SNTG1: variants seen among roughly 807,000 people sequenced by gnomAD.
SNTG1 encodes gamma-1-syntrophin.
Under a neutral mutation model 74.7 loss-of-function variants are expected in SNTG1, and 39 were observed. The observed-to-expected ratio is 0.52, with a 90% CI of 0.40 to 0.68. SNTG1 has a LOEUF of 0.68. Ranked by LOEUF, SNTG1 falls within the 30% of genes least tolerant of loss-of-function variation. The pLI is 0.00. For synonymous variants in SNTG1, 254 were observed against 217.1 expected, an observed-to-expected ratio of 1.17 and a Z score of -1.49; for missense variants, 685 against 609.5, an observed-to-expected ratio of 1.12 and a Z score of -1.30.
chr8:50,010,947 G>A (rs949893770), intron 1 of SNTG1, among the ~76,000 whole-genome samples: 10 of 151,756 alleles, frequency 6.6e-5, no homozygotes, highest in Non-Finnish European at 1.2e-4. Context: ...TCATTTTAAT[G>A]GTAGTGAAAT....
At chr8:50,573,738 A>G (rs1310778449) in intron 12 of SNTG1, among the ~76,000 whole-genome samples, 2 of 151,934 alleles carry the variant, frequency 1.3e-5, no homozygotes, top group Non-Finnish European at 2.9e-5. Context: ...TTTTAGAAAC[A>G]GAATACTCAA....
chr8:50,052,561 A>G (rs764767719), intron 1 of SNTG1, among the ~76,000 whole-genome samples: 15 of 152,166 alleles, frequency 9.9e-5, no homozygotes, highest in Non-Finnish European at 1.5e-4. Flanking sequence ...AAAAAATTTA[A>G]AAGTAGATAA....
intron 9 of SNTG1, among the ~76,000 whole-genome samples, chr8:50,510,904 T>G (rs2094066066): frequency 6.6e-6 from 1 of 152,198 alleles, no homozygotes; most frequent in Non-Finnish European, 1.5e-5. Flanking sequence ...GTTTTTTGTG[T>G]CTCTATTTCC....
chr8:50,268,224 A>G (rs1586903423), intron 2 of SNTG1, among the ~76,000 whole-genome samples: 2 of 152,230 alleles, frequency 1.3e-5, no homozygotes, highest in South Asian at 2.1e-4. Flanking sequence ...TGTATGCTAG[A>G]AGTCACAAAA....
intron 13 of SNTG1, among the ~76,000 whole-genome samples, chr8:50,604,664 A>T (rs2094799567): frequency 6.6e-6 from 1 of 152,044 alleles, no homozygotes; most frequent in Non-Finnish European, 1.5e-5. Context: ...CTTCTACTAC[A>T]GGACAGGTTC....
chr8:50,617,246 G>T (rs1401020289), intron 13 of SNTG1, among the ~76,000 whole-genome samples: 24 of 152,080 alleles, frequency 1.6e-4, no homozygotes. Flanking sequence ...GCTAATTTAT[G>T]TTCACTGAAC....
intron 9 of SNTG1, among the ~76,000 whole-genome samples, chr8:50,509,196 G>A (rs970701177): frequency 2.1e-4 from 32 of 152,114 alleles, no homozygotes; most frequent in Non-Finnish European, 3.4e-4. Context: ...CCCATTGCTT[G>A]TTTTTGTCAG....
chr8:49,932,405 TATA>T (rs1471817505), intron 1 of SNTG1, among the ~76,000 whole-genome samples: 1 of 152,126 alleles, frequency 6.6e-6, no homozygotes, highest in African/African-American at 2.4e-5. Flanking sequence ...AGTGAACACA[TATA>T]ATATCTTCAC....
intron 2 of SNTG1, among the ~76,000 whole-genome samples, chr8:50,203,355 C>T (rs1443382512): frequency 1.3e-5 from 2 of 152,120 alleles, no homozygotes; most frequent in African/African-American, 4.8e-5. Context: ...AAGACAATCT[C>T]AGCTGTTTCT....
chr8:50,115,288 C>T (rs186263789), intron 1 of SNTG1, among the ~76,000 whole-genome samples: 80 of 151,798 alleles, frequency 5.3e-4, no homozygotes, highest in South Asian at 2.1e-4. Context: ...GATGCTTGGC[C>T]GGGTGCCATG....
chr8:50,105,720 T>C (rs114418335), intron 1 of SNTG1, among the ~76,000 whole-genome samples: 39 of 152,254 alleles, frequency 2.6e-4, no homozygotes, highest in African/African-American at 8.9e-4. Context: ...CAGTGTTTTG[T>C]AAATCTCATT....
chr8:50,219,114 T>G (rs2084933812), intron 2 of SNTG1, among the ~76,000 whole-genome samples: 5 of 152,218 alleles, frequency 3.3e-5, no homozygotes, highest in Admixed American at 3.3e-4. Flanking sequence ...GAAACTTTGA[T>G]GTTTTGGCTT....
chr8:50,337,551 C>A (rs910125538), intron 2 of SNTG1, among the ~76,000 whole-genome samples: 1 of 152,192 alleles, frequency 6.6e-6, no homozygotes, highest in African/African-American at 2.4e-5. Context: ...ACAAAGGTCT[C>A]CCCTCAAGAA....
At chr8:50,412,322 G>T (rs1311820425) in intron 4 of SNTG1, among the ~76,000 whole-genome samples, 2 of 151,918 alleles carry the variant, frequency 1.3e-5, no homozygotes, top group Non-Finnish European at 1.5e-5. Flanking sequence ...GTACCTATTT[G>T]TCTTTCTGTG....
intron 2 of SNTG1, among the ~76,000 whole-genome samples, chr8:50,390,115 T>C (rs6998496): frequency 0.23 from 34,278 of 150,512 alleles, 4,349 homozygotes; most frequent in Middle Eastern, 0.37. Flanking sequence ...ATTTTGGCTT[T>C]TGTTGCCATT....
At chr8:50,078,599 G>A (rs1232132260) in intron 1 of SNTG1, among the ~76,000 whole-genome samples, 1 of 152,084 alleles carries the variant, frequency 6.6e-6, no homozygotes, top group African/African-American at 2.4e-5. Context: ...GAGCATGCAG[G>A]TTTATTACAT....
intron 13 of SNTG1, among the ~76,000 whole-genome samples, chr8:50,654,508 G>A (rs1170888252): frequency 6.6e-6 from 1 of 152,050 alleles, no homozygotes; most frequent in Non-Finnish European, 1.5e-5. Flanking sequence ...CTTAATTAAT[G>A]TCTGTATTAG....
chr8:50,766,221 C>T (rs1026570632), intron 18 of SNTG1, among the ~76,000 whole-genome samples: 1 of 151,970 alleles, frequency 6.6e-6, no homozygotes, highest in East Asian at 1.9e-4. Context: ...AACATTCATT[C>T]ATCAAAGTCA....
intron 15 of SNTG1, among the ~76,000 whole-genome samples, chr8:50,687,749 G>C (rs2095359037): frequency 6.6e-6 from 1 of 152,104 alleles, no homozygotes; most frequent in Non-Finnish European, 1.5e-5. Context: ...AGTCCATGGT[G>C]TGTGATGTTC....
Sources: gnomAD v4.1 joint callset for allele counts (sites outside exome capture counted in the v4.1 genomes callset) on GRCh38, gnomAD v4.1.1 for gene constraint, MANE v1.5 for transcripts, NCBI Gene and HGNC (gene_info 2026-07-23, HGNC 2026-07-21) for gene names.